MED16: variants seen among roughly 807,000 people sequenced by gnomAD.
MED16 encodes mediator complex subunit 16, also known as mediator of RNA polymerase II transcription subunit 16.
A neutral mutation model predicts 84.4 loss-of-function variants in MED16; 81 were observed. The ratio of observed to expected loss-of-function variants is 0.96; its 90% confidence interval spans 0.80 to 1.15. The LOEUF is 1.15. Ranked by LOEUF, MED16 falls within the 50% of genes most tolerant of loss-of-function variation. The pLI is 0.00. For synonymous variants in MED16, 897 were observed against 552.2 expected (o/e 1.62, Z -8.76); for missense variants, 1,585 against 1,245.9 (o/e 1.27, Z -4.10).
chr19:885,744 C>G (rs748674844), intron 5 of MED16, 26 bp downstream of exon 5: 1 of 1,594,866 alleles, frequency 6.3e-7, no homozygotes, highest in African/African-American at 1.3e-5. Flanking sequence ...GCCTGCCAGC[C>G]CACGTGATGG....
chr19:871,585 G>C lies in MED16; in HGVS notation c.2099-332C>G, dbSNP rs374644066. On this transcript the variant is annotated intron_variant, in intron 12 of 15. Transcript: ENST00000325464. ...TCCTCACATACACACAACCCGACAAGGAGAGACAGCAAACAGGTGCCTGGA... is the reference window on the plus strand; with the variant it reads ...TCCTCACATACACACAACCCGACAACGAGAGACAGCAAACAGGTGCCTGGA... 2.5e-6 allele frequency: 4 copies of C among 1,595,622 alleles called. No individual in the cohort carries two copies. The Admixed American group carries it at 6.7e-5, about 27-fold the overall frequency.
intron 6 of MED16, 31 bp downstream of exon 6, chr19:884,872 C>T (rs1047585863): frequency 9.0e-6 from 14 of 1,564,000 alleles, no homozygotes; most frequent in Admixed American, 1.8e-5. Flanking sequence ...GAGGGCAGGC[C>T]CAGGGCCTCC....
chr19:890,508 AGAT>A, intron 2 of MED16: 2 of 413,952 alleles, frequency 4.8e-6, no homozygotes, highest in Non-Finnish European at 8.6e-6. Context: ...TCTCCACAGC[AGAT>A]AATAGGTGGC....
At chr19:877,505 T>C (rs1406412324) in intron 8 of MED16, among the ~76,000 whole-genome samples, 2 of 137,812 alleles carry the variant, frequency 1.5e-5, no homozygotes, top group Non-Finnish European at 3.1e-5. Flanking sequence ...AAGCTCCTAA[T>C]ACGTGCTGTG....
chr19:868,383 C>T (rs908841438), intron 15 of MED16, 33 bp downstream of exon 15: 4 of 1,605,334 alleles, frequency 2.5e-6, no homozygotes, highest in Non-Finnish European at 3.4e-6. Flanking sequence ...TCAGGGGTAG[C>T]TGAGGGGCAC....
chr19:890,471 G>A, intron 2 of MED16: 2 of 448,536 alleles, frequency 4.5e-6, no homozygotes, highest in Non-Finnish European at 7.9e-6. Flanking sequence ...AGAAGAAAAT[G>A]ACTCCGAAAT....
At position 886,077 on chromosome 19, in the gene MED16, G is replaced by A. The variant is rs1467027762; in HGVS notation, c.572C>T (p.Ser191Phe). 1.3e-6 allele frequency: 2 copies of A among 1,595,232 alleles called. No individual in the cohort carries two copies. The highest frequency in any genetic ancestry group is 1.7e-6 in the Non-Finnish European group (2 of 1,174,898). ...CACCTGCCCGCTGGGCTTCAGCAGG[G>A]ACACGGTGACCAGGCCGCTGACCGT... ...AVTVSGLVTV[S>F]LLKPSGQVLT... Residue 191 changes from serine (S) to phenylalanine (F), a missense_variant, in exon 5 of 16, where the codon TCC becomes TTC. Ser to Phe is a radical substitution (Grantham distance 155, BLOSUM62 -2). Transcript: ENST00000325464.
At position 884,891 on chromosome 19, in the gene MED16, C is replaced by G. The variant is rs112395844; in HGVS notation, c.985+12G>C. ...GCAGGCCCAGGGCCTCCGCAGCCGG[C>G]GGGAGACTCACCCACGGGGGAGATC... is the stretch of plus-strand genomic sequence containing the variant. On this transcript the variant is annotated intron_variant, in intron 6 of 15. Transcript: ENST00000325464. 1 of 1,595,454 alleles carries G rather than the reference C, an allele frequency of 6.3e-7. No individual in the cohort carries two copies.
chr19:887,615 G>A (rs933259235), intron 4 of MED16, among the ~76,000 whole-genome samples: 3 of 152,170 alleles, frequency 2.0e-5, no homozygotes, highest in African/African-American at 4.8e-5. Context: ...TCAGTGAGCC[G>A]AGATCGCACC....
intron 8 of MED16, among the ~76,000 whole-genome samples, chr19:879,398 C>T (rs1341044796): frequency 2.9e-5 from 4 of 137,692 alleles, no homozygotes; most frequent in Admixed American, 7.2e-5. Context: ...CCCAGCAGCT[C>T]ACCTTTCCCT....
At position 880,074 on chromosome 19, in the gene MED16, A is replaced by C; in HGVS notation, c.1216T>G (p.Tyr406Asp). 6.2e-7 allele frequency: 1 copy of C among 1,611,076 alleles called. No homozygotes were observed. The highest frequency in any genetic ancestry group is 8.5e-7 in the Non-Finnish European group (1 of 1,179,398). Residue 406 changes from tyrosine (Y) to aspartate (D), a missense_variant, in exon 8 of 16, where the codon TAC (tyrosine) becomes GAC (aspartate). Transcript: ENST00000325464. Reference sequence around the variant, plus strand: ...ACAGGCCTCGGGGCCGCGGAGCTGTAGAAGACGGCCATGGTCTGCAGTGAG... The same window carrying C: ...ACAGGCCTCGGGGCCGCGGAGCTGTCGAAGACGGCCATGGTCTGCAGTGAG... ...RLSLQTMAVF[Y>D]SSAAPRPVDE...
Position 871,388 on chromosome 19 carries a change from C to T in MED16, c.2099-135G>A, listed in dbSNP as rs1191218037. On this transcript the variant is annotated intron_variant, in intron 12 of 15. Coordinates refer to ENST00000325464, the MANE Select transcript of MED16 (RefSeq NM_005481.3). ...GCTCTGTCTGCCTGGCTGGGTGACC[C>T]CGGGGTTCTCTCACCAGGTCGGGGC... is the stretch of plus-strand genomic sequence containing the variant. The T allele has an allele frequency of 2.3e-5, 30 of 1,305,928 alleles. No homozygotes were observed. The East Asian group carries it at 7.1e-4, about 31-fold the overall frequency. 80.9% of individuals were successfully genotyped at this position (1,305,928 alleles called of 1,614,324 possible).
At chr19:886,244 TG>T in intron 4 of MED16, 43 bp from the exon 5 acceptor site, 1 of 1,461,574 alleles carries the variant, frequency 6.8e-7, no homozygotes, top group Non-Finnish European at 9.0e-7. Context: ...CTCAGGCTCA[TG>T]GGGGCTGCCC....
intron 8 of MED16, among the ~76,000 whole-genome samples, chr19:879,426 A>AGGGCC (rs1440930262): frequency 1.5e-3 from 98 of 66,598 alleles, no homozygotes; most frequent in Admixed American, 2.6e-3. Flanking sequence ...AATGCCCACC[A>AGGGCC]ACCCCAGCCC....
chr19:868,227 G>A lies in MED16; in HGVS notation c.2508C>T (p.Asp836=), dbSNP rs780835365. ...CAGAAGCTCTGCTGGTCACGCAGGCGTCCGGCCCACGGCCTTCAACAGCCC... is the reference window on the plus strand; with the variant it reads ...CAGAAGCTCTGCTGGTCACGCAGGCATCCGGCCCACGGCCTTCAACAGCCC... ...NCLAVEGRGP[D]ACVTSRASEE... is the part of the protein sequence containing the mutation. Residue 836 remains aspartate, a synonymous_variant, in exon 16 of 16, where the codon GAC becomes GAT. Coordinates refer to ENST00000325464, the MANE Select transcript of MED16 (RefSeq NM_005481.3). The A allele has an allele frequency of 3.1e-5, 50 of 1,599,110 alleles. No homozygotes were observed. Among genetic ancestry groups the A allele is most frequent in the Middle Eastern group, 1.7e-4 (1 of 5,992 alleles).
intron 1 of MED16, among the ~76,000 whole-genome samples, chr19:891,395 G>A (rs73505599): frequency 1.3e-5 from 2 of 152,178 alleles, no homozygotes; most frequent in Non-Finnish European, 2.9e-5. Flanking sequence ...GGACCTATTT[G>A]GGTTTCACCA....
intron 1 of MED16, among the ~76,000 whole-genome samples, chr19:892,144 C>T (rs1230981334): frequency 6.6e-6 from 1 of 152,054 alleles, no homozygotes; most frequent in African/African-American, 2.4e-5. Context: ...CGGGCTGTTT[C>T]GCTTCGCAAA....
At chr19:877,457 C>G (rs1033325848) in intron 8 of MED16, among the ~76,000 whole-genome samples, 2 of 152,074 alleles carry the variant, frequency 1.3e-5, no homozygotes, top group Admixed American at 6.5e-5. Flanking sequence ...AGGAGTCTAC[C>G]CCGTGAAAGG....
chr19:871,403 C>G, intron 12 of MED16, 150 bp from the exon 13 acceptor site: 3 of 1,314,252 alleles, frequency 2.3e-6, no homozygotes, highest in Non-Finnish European at 3.1e-6. Flanking sequence ...GTTCTCTCAC[C>G]AGGTCGGGGC....
Sources: allele counts gnomAD v4.1 joint callset (sites outside exome capture counted in the v4.1 genomes callset), GRCh38; gene constraint gnomAD v4.1.1; transcripts MANE v1.5; gene names NCBI Gene and HGNC (gene_info 2026-07-23, HGNC 2026-07-21).